The following SNX29 variants were observed in gnomAD, a reference collection of about 807,000 sequenced individuals.
SNX29 encodes sorting nexin 29.
SNX29 carries 78 observed loss-of-function variants against 102.1 expected under a neutral mutation model. The observed-to-expected ratio is 0.76, with a 90% CI of 0.64 to 0.92. The LOEUF is 0.92. SNX29 is among the 40% of genes least tolerant of loss of function. The probability of loss-of-function intolerance (pLI) is 0.00; values close to 1 mark genes in which losing one functional copy is unlikely to be tolerated. For synonymous variants in SNX29, 580 were observed against 414.5 expected, an observed-to-expected ratio of 1.40 and a Z score of -4.85; for missense variants, 1,280 against 1,061.7, an observed-to-expected ratio of 1.21 and a Z score of -2.86.
At chr16:12,032,686 C>T (rs1377389044) in intron 4 of SNX29, among the ~76,000 whole-genome samples, 2 of 151,752 alleles carry the variant, frequency 1.3e-5, no homozygotes, top group Non-Finnish European at 2.9e-5. Flanking sequence ...GGGCATACAC[C>T]CAGAAGGACA....
intron 15 of SNX29, among the ~76,000 whole-genome samples, chr16:12,310,517 GA>G (rs879421432): frequency 0.014 from 1,840 of 134,828 alleles, 24 homozygotes; most frequent in African/African-American, 0.043. Context: ...TGTGCCAAGT[GA>G]AAAAAAAAAA....
chr16:12,504,463 C>T (rs1378738515), intron 19 of SNX29, among the ~76,000 whole-genome samples: 1 of 152,150 alleles, frequency 6.6e-6, no homozygotes, highest in African/African-American at 2.4e-5. Flanking sequence ...TGTAGGATTG[C>T]TTGTTCTGGA....
chr16:12,063,646 T>A (rs1373508790), intron 9 of SNX29, among the ~76,000 whole-genome samples: 1 of 152,100 alleles, frequency 6.6e-6, no homozygotes, highest in Non-Finnish European at 1.5e-5. Flanking sequence ...CCACAGTTGC[T>A]GGGATTATAG....
intron 13 of SNX29, 26 bp from the exon 14 acceptor site, chr16:12,199,574 AT>A (rs112078284): frequency 6.3e-7 from 1 of 1,582,702 alleles, no homozygotes. Context: ...TTAAATATAT[AT>A]TTTTTTAACA....
chr16:12,150,159 G>A (rs979280162), intron 13 of SNX29, among the ~76,000 whole-genome samples: 1 of 152,120 alleles, frequency 6.6e-6, no homozygotes, highest in East Asian at 1.9e-4. Flanking sequence ...AGATCTGTTC[G>A]AGGGACAGAG....
At chr16:12,403,656 C>A in intron 18 of SNX29, 127 bp downstream of exon 18, 1 of 867,752 alleles carries the variant, frequency 1.2e-6, no homozygotes, top group Non-Finnish European at 1.8e-6. Flanking sequence ...TCCAGACACC[C>A]ACATCTTAAC....
At chr16:12,192,694 T>C (rs1567296600) in intron 13 of SNX29, among the ~76,000 whole-genome samples, 1 of 151,954 alleles carries the variant, frequency 6.6e-6, no homozygotes, top group African/African-American at 2.4e-5. Flanking sequence ...AAATTAATTT[T>C]ATTTCATTTA....
chr16:12,432,386 G>A (rs1359366936), intron 18 of SNX29, among the ~76,000 whole-genome samples: 4 of 152,222 alleles, frequency 2.6e-5, no homozygotes, highest in East Asian at 3.8e-4. Flanking sequence ...TTCATGATGA[G>A]TAAGGGGCAC....
chr16:12,496,318 A>G (rs1246129065), intron 19 of SNX29, among the ~76,000 whole-genome samples: 1 of 152,146 alleles, frequency 6.6e-6, no homozygotes, highest in Non-Finnish European at 1.5e-5. Context: ...GATGATAAGT[A>G]CGATAAACCC....
At chr16:12,030,665 A>G (rs1378334293) in intron 4 of SNX29, among the ~76,000 whole-genome samples, 1 of 152,074 alleles carries the variant, frequency 6.6e-6, no homozygotes, top group Non-Finnish European at 1.5e-5. Flanking sequence ...GTCTTCTTTA[A>G]TGACCATCCC....
At chr16:12,256,694 G>A (rs1338923437) in intron 14 of SNX29, among the ~76,000 whole-genome samples, 3 of 152,238 alleles carry the variant, frequency 2.0e-5, no homozygotes, top group African/African-American at 7.2e-5. Flanking sequence ...CCTGCTATGT[G>A]CCAGGTACCA....
intron 15 of SNX29, among the ~76,000 whole-genome samples, chr16:12,324,462 T>G (rs371150487): frequency 7.9e-5 from 12 of 152,068 alleles, no homozygotes; most frequent in African/African-American, 2.9e-4. Flanking sequence ...TTTGTGGAGA[T>G]GGAGTCAGGC....
intron 18 of SNX29, among the ~76,000 whole-genome samples, chr16:12,451,580 G>C (rs1047276000): frequency 5.9e-5 from 9 of 152,210 alleles, no homozygotes; most frequent in African/African-American, 2.2e-4. Context: ...AGAAACGGAT[G>C]GGGCCGGGTG....
chr16:12,128,988 C>A (rs1315722305), intron 12 of SNX29, among the ~76,000 whole-genome samples: 1 of 152,188 alleles, frequency 6.6e-6, no homozygotes, highest in Non-Finnish European at 1.5e-5. Context: ...CCTGTGCTGG[C>A]TGCCAGCCCC....
At chr16:12,511,475 T>C (rs1402154690) in intron 19 of SNX29, among the ~76,000 whole-genome samples, 1 of 152,204 alleles carries the variant, frequency 6.6e-6, no homozygotes, top group East Asian at 1.9e-4. Context: ...AATCTGGTGA[T>C]AAAGGTCCTA....
At chr16:12,347,966 C>A (rs2081867360) in intron 15 of SNX29, among the ~76,000 whole-genome samples, 1 of 151,370 alleles carries the variant, frequency 6.6e-6, no homozygotes, top group Non-Finnish European at 1.5e-5. Flanking sequence ...GTAGTCCCAG[C>A]TACTTGGGAG....
chr16:12,306,061 C>T (rs769038387), intron 15 of SNX29, among the ~76,000 whole-genome samples: 2 of 151,982 alleles, frequency 1.3e-5, no homozygotes, highest in African/African-American at 2.4e-5. Flanking sequence ...CCTCCCTCAG[C>T]CAGGCACCTG....
chr16:12,117,086 C>T (rs572100425), intron 11 of SNX29, among the ~76,000 whole-genome samples: 1 of 127,748 alleles, frequency 7.8e-6, no homozygotes, highest in East Asian at 2.5e-4. Context: ...TGGAAACAGG[C>T]GTGGTCAATA....
In SNX29 at chr16:12,571,022, G is replaced by A. The variant is rs1363547826; in HGVS notation, c.*2393G>A. ...GACCGTAGAGTCGAGTCATCTCGCAGATCCAGACCATCTCCTCTCATTCTC... is the reference window on the plus strand; with the variant it reads ...GACCGTAGAGTCGAGTCATCTCGCAAATCCAGACCATCTCCTCTCATTCTC... On this transcript the variant is annotated 3_prime_UTR_variant, in exon 21 of 21. Coordinates refer to ENST00000566228, the MANE Select transcript of SNX29 (RefSeq NM_032167.5). The A allele has an allele frequency of 8.6e-6, 2 of 232,702 alleles. No individual in the cohort carries two copies. The highest frequency in any genetic ancestry group is 2.2e-5 in the African/African-American group (1 of 45,310). 14.4% of individuals were successfully genotyped at this position (232,702 alleles called of 1,614,324 possible).
Sources: allele counts gnomAD v4.1 joint callset (sites outside exome capture counted in the v4.1 genomes callset), GRCh38; gene constraint gnomAD v4.1.1; transcripts MANE v1.5; gene names NCBI Gene and HGNC (gene_info 2026-07-23, HGNC 2026-07-21).